The following PLXNA2 variants were observed in gnomAD, a reference collection of about 807,000 sequenced individuals.
PLXNA2 encodes the protein plexin-A2.
Under a neutral mutation model 193.5 loss-of-function variants are expected in PLXNA2, and 91 were observed. The observed-to-expected ratio is 0.47, with a 90% CI of 0.40 to 0.56. The LOEUF (loss-of-function observed/expected upper bound fraction) is 0.56, where lower values mean the gene tolerates loss of function less well. Among genes scored for constraint, PLXNA2 ranks in the 20% least tolerant of loss-of-function variants. The pLI is 0.00. For synonymous variants in PLXNA2, 997 were observed against 1,027.3 expected (o/e 0.97, Z 0.56); for missense variants, 1,995 against 2,503.2 (o/e 0.80, Z 4.33).
At chr1:208,150,376 C>G (rs1482422989) in intron 3 of PLXNA2, among the ~76,000 whole-genome samples, 1 of 152,092 alleles carries the variant, frequency 6.6e-6, no homozygotes, top group Non-Finnish European at 1.5e-5. Flanking sequence ...CAGCGGGGTG[C>G]ATGGGGCTAG....
rs4844415 is a variant in PLXNA2, at chr1:208,217,924, C to T, written c.-2G>A. Reference sequence around the variant, plus strand: ...GGGCCAGGGCCGCCTCTGTTCCATGCTGAGAGGGGCGGCGGTGAGGAGACG... The same window carrying T: ...GGGCCAGGGCCGCCTCTGTTCCATGTTGAGAGGGGCGGCGGTGAGGAGACG... On this transcript the variant is annotated 5_prime_UTR_variant, in exon 2 of 32. Transcript: ENST00000367033. This position sits in a 1 kb window ranked among gnomAD's most constrained non-coding sequence, Gnocchi z 4.7. 3.1e-6 allele frequency: 5 copies of T among 1,607,884 alleles called. No individual in the cohort carries two copies. The East Asian group carries it at 8.9e-5, about 29-fold the overall frequency.
chr1:208,219,808 C>T (rs1393811979), intron 1 of PLXNA2, among the ~76,000 whole-genome samples: 5 of 152,176 alleles, frequency 3.3e-5, no homozygotes, highest in Non-Finnish European at 7.4e-5. Flanking sequence ...AGGAAGGCAA[C>T]ACCGGCATGA....
At chr1:208,113,678 T>C (rs1667558322) in intron 4 of PLXNA2, among the ~76,000 whole-genome samples, 1 of 151,240 alleles carries the variant, frequency 6.6e-6, no homozygotes, top group African/African-American at 2.4e-5. Flanking sequence ...GCCTCCTGAG[T>C]AGCTGAGACT....
chr1:208,121,838 C>T (rs150195110), intron 4 of PLXNA2, among the ~76,000 whole-genome samples: 68 of 152,300 alleles, frequency 4.5e-4, no homozygotes, highest in African/African-American at 1.6e-3. Flanking sequence ...AACACAAACA[C>T]ACATCCATAC....
intron 6 of PLXNA2, among the ~76,000 whole-genome samples, chr1:208,097,252 C>T (rs1011070110): frequency 1.3e-5 from 2 of 152,268 alleles, no homozygotes; most frequent in African/African-American, 4.8e-5. Context: ...AGTCCTGAGC[C>T]GAGCCCTTCA....
chr1:208,132,371 C>A (rs1668184093), intron 4 of PLXNA2, among the ~76,000 whole-genome samples: 1 of 152,054 alleles, frequency 6.6e-6, no homozygotes, highest in African/African-American at 2.4e-5. Context: ...AGCCAGGGGG[C>A]GCTGTCTCAG....
intron 3 of PLXNA2, among the ~76,000 whole-genome samples, chr1:208,162,740 G>C (rs971079740): frequency 1.3e-5 from 2 of 152,098 alleles, no homozygotes; most frequent in African/African-American, 4.8e-5. Flanking sequence ...TATTATCTCT[G>C]TATGCCTGAT....
intron 4 of PLXNA2, among the ~76,000 whole-genome samples, chr1:208,114,034 G>A (rs1029099565): frequency 6.6e-6 from 1 of 152,182 alleles, no homozygotes; most frequent in Non-Finnish European, 1.5e-5. Context: ...TGTCTGAGAT[G>A]AGGATTCAGA....
At chr1:208,085,280 G>A (rs997503977) in intron 9 of PLXNA2, among the ~76,000 whole-genome samples, 3 of 152,112 alleles carry the variant, frequency 2.0e-5, no homozygotes, top group African/African-American at 7.2e-5. Context: ...AGGTCAAAGG[G>A]CCACCCCACT....
At chr1:208,034,052 C>G (rs1664592985) in intron 27 of PLXNA2, among the ~76,000 whole-genome samples, 1 of 152,208 alleles carries the variant, frequency 6.6e-6, no homozygotes, top group Admixed American at 6.5e-5. Flanking sequence ...AAGGAGGTGC[C>G]ATAACCTCAT....
rs1201664576 is a variant in PLXNA2, at chr1:208,034,058, C to T, written c.4864+435G>A. Among the ~76,000 whole-genome samples the T allele has an allele frequency of 2.0e-5, 3 of 152,216 alleles. No homozygotes were observed. The South Asian group carries it at 6.2e-4, about 31-fold the overall frequency. ...ATAAGGGACAAGGAGGTGCCATAAC[C>T]TCATTGCCCGGAGGGCCTGGGGGCC... On this transcript the variant is annotated intron_variant, in intron 27 of 31. Transcript: ENST00000367033.
chr1:208,241,733 T>C (rs1273748208), intron 1 of PLXNA2, among the ~76,000 whole-genome samples: 1 of 152,224 alleles, frequency 6.6e-6, no homozygotes, highest in African/African-American at 2.4e-5. Context: ...GTAATCTGCA[T>C]TGCCCTCCCT....
intron 4 of PLXNA2, among the ~76,000 whole-genome samples, chr1:208,107,826 A>G (rs555059439): frequency 2.8e-4 from 43 of 152,148 alleles, no homozygotes; most frequent in Non-Finnish European, 4.9e-4. Context: ...TGGGAATTAT[A>G]CAATGGGAGG....
chr1:208,136,802 A>T (rs1467008433), intron 4 of PLXNA2, among the ~76,000 whole-genome samples: 1 of 152,240 alleles, frequency 6.6e-6, no homozygotes, highest in Non-Finnish European at 1.5e-5. Context: ...TGTGCCAGCC[A>T]TAATTTGTGG....
chr1:208,152,601 T>C (rs1032222397), intron 3 of PLXNA2, among the ~76,000 whole-genome samples: 7 of 151,948 alleles, frequency 4.6e-5, no homozygotes, highest in Non-Finnish European at 1.0e-4. Context: ...AATTTTTTTA[T>C]GATGAACATA....
chr1:208,090,016 G>C (rs1666658862), intron 9 of PLXNA2, among the ~76,000 whole-genome samples: 1 of 152,162 alleles, frequency 6.6e-6, no homozygotes, highest in African/African-American at 2.4e-5. Flanking sequence ...CCTGGCTGCT[G>C]TTTGCTGAAA....
intron 22 of PLXNA2, among the ~76,000 whole-genome samples, chr1:208,041,691 G>A (rs1400992492): frequency 6.6e-6 from 1 of 152,226 alleles, no homozygotes; most frequent in African/African-American, 2.4e-5. Context: ...TGTGGCTAGG[G>A]GCCGCTGTGC....
At chr1:208,150,983 A>G (rs914899848) in intron 3 of PLXNA2, among the ~76,000 whole-genome samples, 9 of 152,226 alleles carry the variant, frequency 5.9e-5, no homozygotes, top group African/African-American at 2.2e-4. Context: ...GTCCAACCCC[A>G]CCTTTAAACA....
chr1:208,091,907 C>A (rs1488018913), intron 9 of PLXNA2, among the ~76,000 whole-genome samples: 15 of 150,646 alleles, frequency 1.0e-4, no homozygotes, highest in Admixed American at 9.9e-4. Context: ...TATAAAAATG[C>A]TACATTGTCA....
Sources: allele counts gnomAD v4.1 joint callset (sites outside exome capture counted in the v4.1 genomes callset), GRCh38; gene constraint gnomAD v4.1.1; non-coding constraint Gnocchi (gnomAD v3.1); transcripts MANE v1.5; gene names NCBI Gene and HGNC (gene_info 2026-07-23, HGNC 2026-07-21).